Variants in INVS observed in about 807,000 individuals in gnomAD.
The protein encoded by INVS is inversin.
A neutral mutation model predicts 108.8 loss-of-function variants in INVS; 86 were observed. The observed-to-expected ratio is 0.79, with a 90% CI of 0.66 to 0.95. The LOEUF (loss-of-function observed/expected upper bound fraction) is 0.95. INVS is among the 40% of genes least tolerant of loss of function. The probability of loss-of-function intolerance (pLI) is 0.00; values close to 1 mark genes in which losing one functional copy is unlikely to be tolerated. For missense variants in INVS, 1,169 were observed against 1,297.4 expected (o/e 0.90, Z 1.52); for synonymous variants, 455 against 473.5 (o/e 0.96, Z 0.51).
chr9:100,237,998 C>T (rs755086217), intron 5 of INVS, among the ~76,000 whole-genome samples: 3 of 152,166 alleles, frequency 2.0e-5, no homozygotes, highest in African/African-American at 4.8e-5. Flanking sequence ...CCTGCTTCAT[C>T]CTCCTGAGTA....
intron 3 of INVS, among the ~76,000 whole-genome samples, chr9:100,153,304 T>C (rs1828866598): frequency 1.3e-5 from 2 of 150,866 alleles, no homozygotes; most frequent in Admixed American, 6.6e-5. Context: ...ATTTGCAAAT[T>C]ATATCATTAT....
intron 3 of INVS, among the ~76,000 whole-genome samples, chr9:100,160,560 C>T (rs1318547452): frequency 6.6e-6 from 1 of 152,118 alleles, no homozygotes; most frequent in African/African-American, 2.4e-5. Context: ...ACTTCACTTC[C>T]ATAAGGCTGA....
In INVS at chr9:100,180,951, C is replaced by T. The variant is rs1052660258; in HGVS notation, c.274-45111C>T. On this transcript the variant is annotated intron_variant, in intron 3 of 16. Transcript: ENST00000262457. ...CCACCATGATCAAGTCAGCTTCACC[C>T]CTGGGATGCAAGGCTGGTTCAACAT... Among the ~76,000 whole-genome samples, 10 of 152,170 alleles carry T rather than the reference C, an allele frequency of 6.6e-5. 1 individual carries two copies. The highest frequency in any genetic ancestry group is 5.9e-4 in the Admixed American group (9 of 15,268).
chr9:100,127,839 C>T (rs1462694241), intron 3 of INVS, among the ~76,000 whole-genome samples: 2 of 152,018 alleles, frequency 1.3e-5, no homozygotes, highest in Non-Finnish European at 2.9e-5. Context: ...AACTACTTCT[C>T]GGGTATTTAT....
intron 10 of INVS, among the ~76,000 whole-genome samples, chr9:100,256,382 A>AT (rs1224458252): frequency 2.6e-5 from 4 of 151,394 alleles, no homozygotes; most frequent in Admixed American, 6.6e-5. Context: ...GGATTCATTG[A>AT]TTTTTTGAAG....
At chr9:100,203,685 T>TA (rs1323027428) in intron 3 of INVS, among the ~76,000 whole-genome samples, 1 of 152,024 alleles carries the variant, frequency 6.6e-6, no homozygotes, top group East Asian at 1.9e-4. Flanking sequence ...GTATTTTTAG[T>TA]AGAGACAGGT....
chr9:100,211,676 C>G (rs1286494662), intron 3 of INVS, among the ~76,000 whole-genome samples: 1 of 152,176 alleles, frequency 6.6e-6, no homozygotes, highest in Admixed American at 6.5e-5. Flanking sequence ...CTTAGAGCAA[C>G]TAAAGATGTT....
At chr9:100,116,190 G>A (rs112007289) in intron 2 of INVS, among the ~76,000 whole-genome samples, 2,422 of 149,738 alleles carry the variant, frequency 0.016, 64 homozygotes, top group African/African-American at 0.056. Flanking sequence ...TGCAACCTCC[G>A]CCTCCCGGGT....
At chr9:100,139,117 G>A (rs1034377810) in intron 3 of INVS, among the ~76,000 whole-genome samples, 2 of 152,278 alleles carry the variant, frequency 1.3e-5, no homozygotes, top group African/African-American at 2.4e-5. Context: ...ATATTATAGG[G>A]TACAGAAATG....
intron 10 of INVS, among the ~76,000 whole-genome samples, chr9:100,263,236 T>C (rs547210097): frequency 1.3e-5 from 2 of 152,196 alleles, no homozygotes; most frequent in South Asian, 2.1e-4. Flanking sequence ...ATATTAGTTA[T>C]GTATTGCTGC....
chr9:100,118,206 TTTG>T (rs960096902), intron 2 of INVS, among the ~76,000 whole-genome samples: 1 of 150,758 alleles, frequency 6.6e-6, no homozygotes, highest in African/African-American at 2.4e-5. Flanking sequence ...CCAGCCAATT[TTTG>T]TTGTTGTTGT....
intron 2 of INVS, chr9:100,120,920 A>G (rs993634338): frequency 6.6e-6 from 1 of 152,184 alleles, no homozygotes; most frequent in Non-Finnish European, 1.5e-5. Context: ...TCATAGCTCT[A>G]AGCTCCTTCT....
chr9:100,157,329 A>G (rs1489764148), intron 3 of INVS, among the ~76,000 whole-genome samples: 2 of 145,828 alleles, frequency 1.4e-5, no homozygotes, highest in East Asian at 1.9e-4. Flanking sequence ...CAGTGGCACA[A>G]TCTCGGCTCA....
intron 3 of INVS, among the ~76,000 whole-genome samples, chr9:100,222,160 G>C (rs1203056159): frequency 1.3e-5 from 2 of 152,046 alleles, no homozygotes; most frequent in African/African-American, 4.8e-5. Context: ...GGCCATTCTT[G>C]GTTCTATCTG....
At chr9:100,256,088 C>T (rs998290039) in intron 10 of INVS, among the ~76,000 whole-genome samples, 7 of 152,268 alleles carry the variant, frequency 4.6e-5, no homozygotes, top group Admixed American at 1.3e-4. Flanking sequence ...GTCTCAATTT[C>T]GGAGCCTGTT....
chr9:100,117,269 G>C, intron 2 of INVS: 2 of 755,896 alleles, frequency 2.6e-6, no homozygotes, highest in Non-Finnish European at 4.6e-6. Flanking sequence ...TTTGAACCTG[G>C]TGCTCTGGCC....
At chr9:100,211,175 A>G (rs565599939) in intron 3 of INVS, among the ~76,000 whole-genome samples, 2 of 152,292 alleles carry the variant, frequency 1.3e-5, no homozygotes, top group South Asian at 4.1e-4. Context: ...TTGTCCTTAA[A>G]TAAAATACCA....
chr9:100,205,763 A>G (rs1415251266), intron 3 of INVS, among the ~76,000 whole-genome samples: 1 of 151,954 alleles, frequency 6.6e-6, no homozygotes, highest in Non-Finnish European at 1.5e-5. Context: ...ATAACTATCC[A>G]TTTTACAATT....
chr9:100,191,949 T>C (rs1013323153), intron 3 of INVS, among the ~76,000 whole-genome samples: 1 of 152,194 alleles, frequency 6.6e-6, no homozygotes, highest in African/African-American at 2.4e-5. Context: ...GTGAAGACTC[T>C]GAGTTCCTTG....
Sources: gnomAD v4.1 joint callset for allele counts (sites outside exome capture counted in the v4.1 genomes callset) on GRCh38, gnomAD v4.1.1 for gene constraint, MANE v1.5 for transcripts, NCBI Gene and HGNC (gene_info 2026-07-23, HGNC 2026-07-21) for gene names.